Variants in TDRD3 observed in about 807,000 individuals in gnomAD.
TDRD3 encodes tudor domain containing 3.
Under a neutral mutation model 86.7 loss-of-function variants are expected in TDRD3, and 45 were observed. That is an observed-to-expected ratio of 0.52 (90% CI 0.41 to 0.67). The LOEUF (loss-of-function observed/expected upper bound fraction) is 0.67. TDRD3 is among the 30% of genes least tolerant of loss of function. TDRD3 has a pLI of 0.00. For missense variants in TDRD3, 814 were observed against 889.0 expected (o/e 0.92, Z 1.07); for synonymous variants, 298 against 301.7 (o/e 0.99, Z 0.13).
intron 5 of TDRD3, among the ~76,000 whole-genome samples, chr13:60,469,045 A>G (rs1956016218): frequency 1.3e-5 from 2 of 152,240 alleles, no homozygotes; most frequent in East Asian, 1.9e-4. Flanking sequence ...CCTTAGGCAC[A>G]TTTTTATTCC....
intron 2 of TDRD3, among the ~76,000 whole-genome samples, 188 bp from the exon 3 acceptor site, chr13:60,444,495 G>A (rs528018979): frequency 6.6e-6 from 1 of 151,952 alleles, no homozygotes; most frequent in African/African-American, 2.4e-5. Context: ...CATCTTACTG[G>A]TATACTTTAA....
Position 60,529,127 on chromosome 13 carries a change from A to G in TDRD3, c.1902A>G (p.Glu634=). ...PKRRSGPIKP[E]KILESSIPME... ...GAAGATCTGGGCCAATTAAGCCAGA[A>G]AAAATACTAGAATCATCTATTCCTA... The change falls in exon 11 of 14, where the codon GAA becomes GAG. Residue 634 remains glutamate (E), a synonymous_variant. Transcript: ENST00000377881. 1 of 1,614,060 alleles carries G rather than the reference A, an allele frequency of 6.2e-7. No individual in the cohort carries two copies. Among genetic ancestry groups the G allele is most frequent in the Non-Finnish European group, 8.5e-7 (1 of 1,179,936 alleles).
intron 4 of TDRD3, among the ~76,000 whole-genome samples, chr13:60,462,490 C>G (rs1955822388): frequency 6.6e-6 from 1 of 152,080 alleles, no homozygotes; most frequent in Non-Finnish European, 1.5e-5. Context: ...TACAGGTAAA[C>G]AATTTGGAAG....
rs561921982 is a variant in TDRD3, at chr13:60,550,430, T to G, written c.2118+15197T>G. On this transcript the variant is annotated intron_variant, in intron 12 of 13. Transcript: ENST00000377881. ...TTTATTACACTTTTCTTCTCAATAG[T>G]CATGTTCTTGGAGGAGTTAATGCTC... Among the ~76,000 whole-genome samples, 10 of 152,226 alleles carry G rather than the reference T, an allele frequency of 6.6e-5. No individual in the cohort carries two copies. In the South Asian group the frequency reaches 2.1e-3, roughly 32 times the overall value.
intron 12 of TDRD3, among the ~76,000 whole-genome samples, chr13:60,551,007 G>A (rs991942979): frequency 2.6e-5 from 4 of 152,104 alleles, no homozygotes; most frequent in South Asian, 2.1e-4. Flanking sequence ...TGGATAATTC[G>A]TGTTTGACAG....
At chr13:60,547,671 TA>T (rs369924519) in intron 12 of TDRD3, among the ~76,000 whole-genome samples, 46 of 152,340 alleles carry the variant, frequency 3.0e-4, no homozygotes, top group African/African-American at 1.1e-3. Flanking sequence ...TATCCCTTTT[TA>T]AAGCAAGCCA....
intron 9 of TDRD3, 45 bp downstream of exon 9, chr13:60,509,964 C>T (rs1270952146): frequency 6.3e-7 from 1 of 1,592,566 alleles, no homozygotes; most frequent in South Asian, 1.1e-5. Flanking sequence ...GTTTGCTTTT[C>T]AGAGTAATAT....
chr13:60,566,408 A>T (rs1405606613), intron 12 of TDRD3, among the ~76,000 whole-genome samples: 1 of 152,102 alleles, frequency 6.6e-6, no homozygotes, highest in Non-Finnish European at 1.5e-5. Context: ...CAGTAATTGG[A>T]TCTATAAAGA....
At chr13:60,557,819 G>GTTTTT (rs1491187240) in intron 12 of TDRD3, among the ~76,000 whole-genome samples, 68 of 89,886 alleles carry the variant, frequency 7.6e-4, no homozygotes, top group South Asian at 1.5e-3. Context: ...TTTTTTTCCT[G>GTTTTT]ATTTTTTTTT....
chr13:60,421,976 G>A (rs1226563175), intron 1 of TDRD3, among the ~76,000 whole-genome samples: 4 of 152,154 alleles, frequency 2.6e-5, no homozygotes, highest in African/African-American at 9.7e-5. Context: ...TAAAGGGCCA[G>A]AAAGAAACAG....
chr13:60,465,085 A>G (rs1259505318), intron 4 of TDRD3, among the ~76,000 whole-genome samples: 1 of 152,178 alleles, frequency 6.6e-6, no homozygotes, highest in African/African-American at 2.4e-5. Context: ...ACAACACAAA[A>G]ATAAAAATTT....
intron 2 of TDRD3, among the ~76,000 whole-genome samples, chr13:60,443,801 A>G (rs898005125): frequency 2.0e-5 from 3 of 151,938 alleles, no homozygotes; most frequent in Non-Finnish European, 4.4e-5. Context: ...ACTATATTAT[A>G]AGGAAAAATA....
At chr13:60,398,004 G>A (rs759618908) in intron 1 of TDRD3, among the ~76,000 whole-genome samples, 1 of 152,208 alleles carries the variant, frequency 6.6e-6, no homozygotes, top group Admixed American at 6.5e-5. Flanking sequence ...AAGAATGACC[G>A]CAATGTCAAC....
In TDRD3 at chr13:60,568,748, C is replaced by T. The variant is rs539595943; in HGVS notation, c.*9+1098C>T. On this transcript the variant is annotated intron_variant, in intron 13 of 13. Coordinates refer to ENST00000377881, the MANE Select transcript of TDRD3 (RefSeq NM_001146070.2). ...AATAAAATAGAAGTACTAGCTAGAG[C>T]AATTAAACAAGAGAAAGAAATAAAG... Among the ~76,000 whole-genome samples the T allele has an allele frequency of 3.3e-5, 5 of 151,860 alleles. No homozygotes were observed. The South Asian group carries it at 1.0e-3, about 32-fold the overall frequency.
At chr13:60,439,663 T>G in intron 1 of TDRD3, 25 bp from the exon 2 acceptor site, 1 of 1,508,726 alleles carries the variant, frequency 6.6e-7, no homozygotes, top group Non-Finnish European at 8.9e-7. Context: ...TAGATAATAT[T>G]AAGCCATTTA....
At chr13:60,433,179 T>C (rs1249130030) in intron 1 of TDRD3, among the ~76,000 whole-genome samples, 1 of 152,208 alleles carries the variant, frequency 6.6e-6, no homozygotes, top group Non-Finnish European at 1.5e-5. Context: ...GGAAGTCAAG[T>C]TGCAGTTCAG....
At chr13:60,445,335 T>G (rs1462039789) in intron 3 of TDRD3, among the ~76,000 whole-genome samples, 2 of 152,226 alleles carry the variant, frequency 1.3e-5, no homozygotes, top group Non-Finnish European at 2.9e-5. Flanking sequence ...ATGGAGTACA[T>G]CTGGTTACCT....
At chr13:60,413,681 A>C (rs957079188) in intron 1 of TDRD3, among the ~76,000 whole-genome samples, 10 of 152,168 alleles carry the variant, frequency 6.6e-5, no homozygotes, top group Admixed American at 4.6e-4. Flanking sequence ...GCACACATGA[A>C]TTTCTGATCT....
At chr13:60,443,189 CATT>C (rs1402395053) in intron 2 of TDRD3, among the ~76,000 whole-genome samples, 5 of 151,924 alleles carry the variant, frequency 3.3e-5, no homozygotes, top group South Asian at 4.1e-4. Context: ...CTGTGCAAGT[CATT>C]ATACTGAGTG....
Sources: allele counts gnomAD v4.1 joint callset (sites outside exome capture counted in the v4.1 genomes callset), GRCh38; gene constraint gnomAD v4.1.1; transcripts MANE v1.5; gene names NCBI Gene and HGNC (gene_info 2026-07-23, HGNC 2026-07-21).